Variants in ATP10A observed in about 807,000 individuals in gnomAD.
ATP10A encodes ATPase phospholipid transporting 10A (putative), also known as phospholipid-transporting ATPase VA.
A neutral mutation model predicts 147.8 loss-of-function variants in ATP10A; 111 were observed. That is an observed-to-expected ratio of 0.75 (90% CI 0.64 to 0.88). ATP10A has a LOEUF of 0.88. ATP10A is among the 40% of genes least tolerant of loss of function. The pLI, the probability that ATP10A is intolerant of heterozygous loss-of-function variation, is 0.00. For missense variants in ATP10A, 1,927 were observed against 1,959.0 expected, an observed-to-expected ratio of 0.98 and a Z score of 0.31; for synonymous variants, 875 against 841.6, an observed-to-expected ratio of 1.04 and a Z score of -0.69.
chr15:25,781,348 T>C (rs1051204018), intron 1 of ATP10A, 125 bp from the exon 2 acceptor site: 3 of 810,054 alleles, frequency 3.7e-6, no homozygotes, highest in African/African-American at 3.5e-5. Flanking sequence ...ATTTTGATAA[T>C]AAACAGGTGT....
At chr15:25,766,091 G>A (rs562782257) in intron 2 of ATP10A, among the ~76,000 whole-genome samples, 2 of 152,324 alleles carry the variant, frequency 1.3e-5, no homozygotes, top group South Asian at 4.2e-4. Flanking sequence ...CTTACATGGT[G>A]GCGGCAAGAC....
chr15:25,727,639 T>C (rs1022122272), intron 3 of ATP10A, among the ~76,000 whole-genome samples: 1 of 152,200 alleles, frequency 6.6e-6, no homozygotes, highest in Admixed American at 6.5e-5. Context: ...ACACAGGAAA[T>C]GTTACTCCTA....
intron 15 of ATP10A, among the ~76,000 whole-genome samples, chr15:25,691,347 A>AT (rs1427028034): frequency 5.3e-5 from 8 of 152,100 alleles, no homozygotes; most frequent in African/African-American, 1.9e-4. Context: ...CATCAAAGGC[A>AT]TTTTTTCAAA....
chr15:25,852,897 T>C (rs553248991), intron 1 of ATP10A, among the ~76,000 whole-genome samples: 11 of 152,362 alleles, frequency 7.2e-5, no homozygotes, highest in Middle Eastern at 3.4e-3. Context: ...TCTTCTGTGC[T>C]ATGCATGTTA....
intron 1 of ATP10A, among the ~76,000 whole-genome samples, chr15:25,846,408 G>A (rs1893026209): frequency 6.6e-6 from 1 of 152,218 alleles, no homozygotes. Flanking sequence ...GTGGAGCACA[G>A]CTCAGCTGCT....
chr15:25,764,498 C>G (rs1419730720), intron 2 of ATP10A, among the ~76,000 whole-genome samples: 1 of 152,284 alleles, frequency 6.6e-6, no homozygotes, highest in African/African-American at 2.4e-5. Context: ...AGAAGAGACA[C>G]TCACTCGAAG....
At chr15:25,742,777 T>C (rs773463989) in intron 2 of ATP10A, among the ~76,000 whole-genome samples, 1 of 152,170 alleles carries the variant, frequency 6.6e-6, no homozygotes, top group Non-Finnish European at 1.5e-5. Flanking sequence ...AATTCAAACC[T>C]AGATGAGGGC....
At chr15:25,799,679 G>A (rs1470260302) in intron 1 of ATP10A, among the ~76,000 whole-genome samples, 1 of 152,108 alleles carries the variant, frequency 6.6e-6, no homozygotes, top group African/African-American at 2.4e-5. Context: ...GCTGCAGTGA[G>A]CTGTGATCAC....
intron 2 of ATP10A, among the ~76,000 whole-genome samples, chr15:25,765,833 A>G (rs1265585426): frequency 3.3e-5 from 5 of 152,144 alleles, no homozygotes; most frequent in African/African-American, 4.8e-5. Context: ...CTGCCTTTCA[A>G]TGACAGCAGC....
At chr15:25,755,232 C>T (rs980363921) in intron 2 of ATP10A, among the ~76,000 whole-genome samples, 2 of 152,124 alleles carry the variant, frequency 1.3e-5, no homozygotes, top group African/African-American at 4.8e-5. Context: ...GAAAGACCTT[C>T]GAAAGTTTTC....
At chr15:25,810,685 C>T (rs1421060449) in intron 1 of ATP10A, among the ~76,000 whole-genome samples, 2 of 152,102 alleles carry the variant, frequency 1.3e-5, no homozygotes, top group African/African-American at 4.8e-5. Context: ...AAAAACGAGC[C>T]AGCACCGCCC....
rs1596769384 is a variant in ATP10A, at chr15:25,727,382, A to G, written c.741-116T>C. ...ACAATGAAAGCTTGGGGCCGCTGGG[A>G]TCTGGACTGGGAAGGGTACAGGGGG... On this transcript the variant is annotated intron_variant, in intron 3 of 20. Coordinates refer to ENST00000555815, the MANE Select transcript of ATP10A (RefSeq NM_024490.4). 11 of 940,514 alleles carry G rather than the reference A, an allele frequency of 1.2e-5. No homozygotes were observed. The East Asian group carries it at 2.8e-4, about 24-fold the overall frequency. 58.3% of individuals were successfully genotyped at this position (940,514 alleles called of 1,614,324 possible).
At chr15:25,706,392 GC>G (rs1901016974) in intron 12 of ATP10A, among the ~76,000 whole-genome samples, 1 of 152,168 alleles carries the variant, frequency 6.6e-6, no homozygotes, top group Non-Finnish European at 1.5e-5. Context: ...CACGCTCAGT[GC>G]CCCCCGTCAT....
At chr15:25,764,144 T>A (rs1250345692) in intron 2 of ATP10A, among the ~76,000 whole-genome samples, 1 of 152,150 alleles carries the variant, frequency 6.6e-6, no homozygotes, top group Non-Finnish European at 1.5e-5. Flanking sequence ...GGGCAGGGCC[T>A]GGGACTCTGC....
At chr15:25,809,945 A>G (rs1347720547) in intron 1 of ATP10A, among the ~76,000 whole-genome samples, 1 of 151,548 alleles carries the variant, frequency 6.6e-6, no homozygotes, top group East Asian at 1.9e-4. Flanking sequence ...CAAGCTGGAG[A>G]GCTACAAGCA....
At chr15:25,722,003 G>C (rs965256877) in intron 6 of ATP10A, 94 bp from the exon 7 acceptor site, 2 of 1,363,090 alleles carry the variant, frequency 1.5e-6, no homozygotes, top group Admixed American at 1.9e-5. Flanking sequence ...GACTACAACC[G>C]CAAGAAAGTA....
At chr15:25,726,528 G>C (rs116539532) in intron 4 of ATP10A, among the ~76,000 whole-genome samples, 10 of 151,116 alleles carry the variant, frequency 6.6e-5, no homozygotes, top group Non-Finnish European at 1.0e-4. Context: ...TGCAACCTCC[G>C]TCTCTCAGGT....
intron 1 of ATP10A, among the ~76,000 whole-genome samples, chr15:25,831,244 G>C (rs571152319): frequency 3.3e-5 from 5 of 152,112 alleles, no homozygotes; most frequent in African/African-American, 4.8e-5. Context: ...GCTCCACCCC[G>C]TATGAGATTC....
intron 12 of ATP10A, among the ~76,000 whole-genome samples, chr15:25,706,946 T>C (rs1305347156): frequency 6.6e-6 from 1 of 152,172 alleles, no homozygotes; most frequent in African/African-American, 2.4e-5. Context: ...AGCCCTGCTT[T>C]AGTAAGCCAA....
Sources: gnomAD v4.1 joint callset for allele counts (sites outside exome capture counted in the v4.1 genomes callset) on GRCh38, gnomAD v4.1.1 for gene constraint, MANE v1.5 for transcripts, NCBI Gene and HGNC (gene_info 2026-07-23, HGNC 2026-07-21) for gene names.